DIS3L2: variants seen among roughly 807,000 people sequenced by gnomAD.
The protein encoded by DIS3L2 is DIS3-like exonuclease 2.
A neutral mutation model predicts 97.5 loss-of-function variants in DIS3L2; 34 were observed. That is an observed-to-expected ratio of 0.35 (90% CI 0.27 to 0.46). DIS3L2 has a LOEUF of 0.46. Ranked by LOEUF, DIS3L2 falls within the 20% of genes least tolerant of loss-of-function variation. The probability of loss-of-function intolerance (pLI) is 1.00; values close to 1 mark genes in which losing one functional copy is unlikely to be tolerated. For synonymous variants in DIS3L2, 435 were observed against 445.2 expected, an observed-to-expected ratio of 0.98 and a Z score of 0.29; for missense variants, 1,038 against 1,146.0, an observed-to-expected ratio of 0.91 and a Z score of 1.36.
At chr2:232,055,140 AT>A (rs943079427) in intron 5 of DIS3L2, among the ~76,000 whole-genome samples, 69 of 152,358 alleles carry the variant, frequency 4.5e-4, no homozygotes, top group African/African-American at 1.5e-3. Flanking sequence ...ATCATAGCTA[AT>A]GTTGAAACAG....
chr2:232,077,954 T>C (rs1236369501), intron 5 of DIS3L2, among the ~76,000 whole-genome samples: 3 of 135,360 alleles, frequency 2.2e-5, no homozygotes, highest in African/African-American at 8.1e-5. Flanking sequence ...TTTCTTTCTT[T>C]CTCTTTCTTT....
intron 13 of DIS3L2, among the ~76,000 whole-genome samples, chr2:232,283,708 C>A (rs1694354367): frequency 6.6e-6 from 1 of 152,176 alleles, no homozygotes; most frequent in Non-Finnish European, 1.5e-5. Context: ...CTGTATGATT[C>A]CATTTAGGTA....
At position 232,136,492 on chromosome 2, in the gene DIS3L2, A is replaced by G. The variant is rs1553610349; in HGVS notation, c.723A>G (p.Lys241=). ...TTTAGGTGGTTTACATCTTGGAGAA[A>G]AAACATTCTCGAGCAGCAACCGGCT... ...RSAKVVYILE[K]KHSRAATGFL... Residue 241 remains lysine, a synonymous_variant, in exon 8 of 21, where the codon AAA becomes AAG. Transcript: ENST00000325385. The G allele has an allele frequency of 6.2e-7, 1 of 1,614,014 alleles. No homozygotes were observed. Among genetic ancestry groups the G allele is most frequent in the Non-Finnish European group, 8.5e-7 (1 of 1,179,924 alleles).
At chr2:232,204,529 G>T (rs1479239103) in intron 9 of DIS3L2, among the ~76,000 whole-genome samples, 2 of 152,124 alleles carry the variant, frequency 1.3e-5, no homozygotes, top group Non-Finnish European at 2.9e-5. Context: ...GAATTCTGCA[G>T]CCTCATGAAC....
At chr2:232,341,900 G>A (rs967362097), downstream of DIS3L2, among the ~76,000 whole-genome samples, 1 of 152,226 alleles carries the variant, frequency 6.6e-6, no homozygotes, top group Non-Finnish European at 1.5e-5. Context: ...TCAGCCCACA[G>A]CCAGCACCAG....
intron 1 of DIS3L2, among the ~76,000 whole-genome samples, chr2:231,968,354 C>T (rs796929873): frequency 1.9e-4 from 29 of 152,296 alleles, no homozygotes; most frequent in African/African-American, 6.5e-4. Flanking sequence ...CCTCGGTCTC[C>T]CAAGTGCTGG....
chr2:232,067,601 G>A (rs1292521408), intron 5 of DIS3L2, among the ~76,000 whole-genome samples: 1 of 152,150 alleles, frequency 6.6e-6, no homozygotes, highest in Non-Finnish European at 1.5e-5. Flanking sequence ...ACTTATATCT[G>A]CAGTTGTTCA....
chr2:232,082,421 GC>G (rs1452477806), intron 5 of DIS3L2, among the ~76,000 whole-genome samples: 1 of 152,140 alleles, frequency 6.6e-6, no homozygotes, highest in East Asian at 1.9e-4. Context: ...TACCGCTTGA[GC>G]CCCGCCTCCT....
At chr2:232,184,001 G>A (rs1358412582) in intron 9 of DIS3L2, among the ~76,000 whole-genome samples, 1 of 152,164 alleles carries the variant, frequency 6.6e-6, no homozygotes, top group Non-Finnish European at 1.5e-5. Context: ...GAGCTGGAAA[G>A]GGGGATGTGG....
chr2:231,983,458 G>C (rs1002981065), intron 1 of DIS3L2, among the ~76,000 whole-genome samples: 2 of 152,210 alleles, frequency 1.3e-5, no homozygotes, highest in African/African-American at 4.8e-5. Context: ...AGCAGGGGAT[G>C]AGTGGTGAGC....
At chr2:232,282,587 A>G (rs1007414698) in intron 13 of DIS3L2, among the ~76,000 whole-genome samples, 1 of 152,212 alleles carries the variant, frequency 6.6e-6, no homozygotes, top group African/African-American at 2.4e-5. Flanking sequence ...ATAGCTAGTC[A>G]TAGTAAAGAT....
chr2:231,983,733 C>CA (rs1574785370), intron 1 of DIS3L2, among the ~76,000 whole-genome samples: 1 of 151,726 alleles, frequency 6.6e-6, no homozygotes, highest in Admixed American at 6.6e-5. Flanking sequence ...GCTAAAAATA[C>CA]AAAAAATTAG....
At chr2:232,039,625 G>A (rs1234258202) in intron 5 of DIS3L2, among the ~76,000 whole-genome samples, 1 of 152,142 alleles carries the variant, frequency 6.6e-6, no homozygotes, top group Non-Finnish European at 1.5e-5. Context: ...ACTCTTCGAA[G>A]TTCAGATTCT....
Position 232,210,368 on chromosome 2 carries a change from C to T in DIS3L2, c.1167C>T (p.Asp389=). The T allele has an allele frequency of 6.2e-7, 1 of 1,613,778 alleles. No individual in the cohort carries two copies. Among genetic ancestry groups the T allele is most frequent in the Non-Finnish European group, 8.5e-7 (1 of 1,179,712 alleles). ...CCATTGACCCATCAACCGCCCGAGA[C>T]CTCGATGATGCCCTCTCCTGCAAGC... ...IFTIDPSTAR[D]LDDALSCKPL... is the part of the protein sequence containing the mutation. Residue 389 remains aspartate, a synonymous_variant, in exon 10 of 21, where the codon GAC becomes GAT. Transcript: ENST00000325385.
chr2:232,187,004 T>A (rs1691457261), intron 9 of DIS3L2, among the ~76,000 whole-genome samples: 2 of 152,276 alleles, frequency 1.3e-5, no homozygotes, highest in Admixed American at 1.3e-4. Flanking sequence ...AGTGAAAGCA[T>A]AACCCTCATG....
intron 5 of DIS3L2, among the ~76,000 whole-genome samples, chr2:232,086,621 A>ATG (rs1696637858): frequency 8.7e-6 from 1 of 115,036 alleles, no homozygotes; most frequent in Non-Finnish European, 1.7e-5. Flanking sequence ...GTGTATATAT[A>ATG]TATATATACA....
intron 6 of DIS3L2, among the ~76,000 whole-genome samples, chr2:232,090,272 T>C (rs1056277794): frequency 2.0e-5 from 3 of 152,106 alleles, no homozygotes; most frequent in African/African-American, 7.2e-5. Context: ...ACTGAGTACG[T>C]TACAAGCCCG....
intron 14 of DIS3L2, among the ~76,000 whole-genome samples, chr2:232,318,715 G>A (rs1026150538): frequency 1.1e-4 from 17 of 152,208 alleles, no homozygotes; most frequent in Non-Finnish European, 5.9e-5. Flanking sequence ...GGGGAGGCAA[G>A]TGAGAAGGTG....
chr2:232,125,617 C>G (rs906695233), intron 6 of DIS3L2, among the ~76,000 whole-genome samples: 1 of 152,172 alleles, frequency 6.6e-6, no homozygotes. Context: ...TGTGAAAATT[C>G]TTTGGCATCA....
Sources: gnomAD v4.1 joint callset for allele counts (sites outside exome capture counted in the v4.1 genomes callset) on GRCh38, gnomAD v4.1.1 for gene constraint, MANE v1.5 for transcripts, NCBI Gene and HGNC (gene_info 2026-07-23, HGNC 2026-07-21) for gene names.